SMOC1: variants seen among roughly 807,000 people sequenced by gnomAD.
SMOC1 encodes SPARC-related modular calcium-binding protein 1.
Under a neutral mutation model 56.3 loss-of-function variants are expected in SMOC1, and 22 were observed. That is an observed-to-expected ratio of 0.39 (90% CI 0.28 to 0.56). The LOEUF (loss-of-function observed/expected upper bound fraction) is 0.56. Among genes scored for constraint, SMOC1 ranks in the 20% least tolerant of loss-of-function variants. SMOC1 has a pLI of 0.61. For synonymous variants in SMOC1, 193 were observed against 215.0 expected (o/e 0.90, Z 0.89); for missense variants, 509 against 565.4 (o/e 0.90, Z 1.01).
At chr14:69,941,690 A>G (rs1194161756) in intron 1 of SMOC1, among the ~76,000 whole-genome samples, 4 of 152,152 alleles carry the variant, frequency 2.6e-5, no homozygotes, top group Admixed American at 2.6e-4. Flanking sequence ...AGGATCCTCT[A>G]TGATCTCTCC....
chr14:70,020,436 G>A (rs1885670028), intron 10 of SMOC1, among the ~76,000 whole-genome samples: 1 of 152,170 alleles, frequency 6.6e-6, no homozygotes, highest in African/African-American at 2.4e-5. Context: ...GGATTTGAGG[G>A]TTGTTTTGGC....
At chr14:70,005,738 C>T (rs562490366) in intron 7 of SMOC1, among the ~76,000 whole-genome samples, 6 of 152,232 alleles carry the variant, frequency 3.9e-5, no homozygotes, top group Admixed American at 3.9e-4. Context: ...TTCTCTGCAC[C>T]ATCTGAGGGA....
At chr14:69,963,114 A>C (rs138623591) in intron 3 of SMOC1, among the ~76,000 whole-genome samples, 1 of 152,140 alleles carries the variant, frequency 6.6e-6, no homozygotes, top group Non-Finnish European at 1.5e-5. Context: ...TGATTACTAT[A>C]ACCTTGTAGT....
chr14:69,948,519 C>G (rs1390062671), intron 1 of SMOC1, among the ~76,000 whole-genome samples: 1 of 152,102 alleles, frequency 6.6e-6, no homozygotes, highest in African/African-American at 2.4e-5. Flanking sequence ...GCTGTGGCCT[C>G]TCTCTCAGTG....
At chr14:69,948,981 C>T (rs1189491319) in intron 1 of SMOC1, among the ~76,000 whole-genome samples, 1 of 152,156 alleles carries the variant, frequency 6.6e-6, no homozygotes, top group Non-Finnish European at 1.5e-5. Flanking sequence ...CAAACAGAAA[C>T]ACCGGCCCAC....
At chr14:69,926,242 A>C (rs1414277648) in intron 1 of SMOC1, among the ~76,000 whole-genome samples, 1 of 152,186 alleles carries the variant, frequency 6.6e-6, no homozygotes, top group Non-Finnish European at 1.5e-5. Flanking sequence ...AGCCACTCAG[A>C]TCTCTGAATT....
chr14:69,975,706 C>G lies in SMOC1; in HGVS notation c.379-9C>G. ...TATGGTTTTCTTCCCTTTTCACTTCCCTGAACAGGTGCAGTGCCATACTTA... is the reference window on the plus strand; with the variant it reads ...TATGGTTTTCTTCCCTTTTCACTTCGCTGAACAGGTGCAGTGCCATACTTA... On this transcript the variant is annotated splice_polypyrimidine_tract_variant and intron_variant, in intron 3 of 11. Transcript: ENST00000361956. 2.5e-6 allele frequency: 4 copies of G among 1,607,022 alleles called. No individual in the cohort carries two copies. Among genetic ancestry groups the G allele is most frequent in the Non-Finnish European group, 3.4e-6 (4 of 1,174,430 alleles).
chr14:69,991,742 A>G lies in SMOC1; in HGVS notation c.527-675A>G, dbSNP rs11624897. On this transcript the variant is annotated intron_variant, in intron 5 of 11. Transcript: ENST00000361956. ...TCTGCAAAGTCCCATGTCCTCTCCC[A>G]TTTTGCTTGCCCTCCCTCTTATTGG... 5.4e-3 allele frequency among the ~76,000 whole-genome samples: 823 copies of G among 152,272 alleles called. 2 individuals carry two copies. Among genetic ancestry groups the G allele is most frequent in the Admixed American group, 0.011 (161 of 15,304 alleles).
intron 1 of SMOC1, among the ~76,000 whole-genome samples, chr14:69,941,079 T>A (rs967958105): frequency 6.6e-6 from 1 of 151,984 alleles, no homozygotes; most frequent in South Asian, 2.1e-4. Flanking sequence ...AAAGAAGTAT[T>A]TTGATCTCCA....
At chr14:70,004,246 A>G (rs903899847) in intron 7 of SMOC1, among the ~76,000 whole-genome samples, 1 of 152,166 alleles carries the variant, frequency 6.6e-6, no homozygotes, top group South Asian at 2.1e-4. Context: ...CTGTAAGATT[A>G]GCCTTTTTTC....
chr14:70,022,028 A>G, intron 10 of SMOC1, among the ~76,000 whole-genome samples: 1 of 152,058 alleles, frequency 6.6e-6, no homozygotes, highest in Admixed American at 6.6e-5. Flanking sequence ...CACACTGAGG[A>G]TGTGAATGTG....
At chr14:70,025,378 C>T in intron 11 of SMOC1, among the ~76,000 whole-genome samples, 1 of 152,164 alleles carries the variant, frequency 6.6e-6, no homozygotes, top group Non-Finnish European at 1.5e-5. Context: ...GGCTTGGGAT[C>T]CACTTCCCAC....
At chr14:69,954,677 T>G (rs944186111) in intron 3 of SMOC1, among the ~76,000 whole-genome samples, 1 of 152,134 alleles carries the variant, frequency 6.6e-6, no homozygotes, top group South Asian at 2.1e-4. Flanking sequence ...TGGACAAGGA[T>G]GAGCTTAGCC....
chr14:69,898,003 C>A (rs1480666498), intron 1 of SMOC1, among the ~76,000 whole-genome samples: 1 of 151,976 alleles, frequency 6.6e-6, no homozygotes, highest in African/African-American at 2.4e-5. Flanking sequence ...TTTTATTTGC[C>A]TCAGAGTCTG....
At chr14:69,929,058 G>A (rs955094546) in intron 1 of SMOC1, among the ~76,000 whole-genome samples, 4 of 152,166 alleles carry the variant, frequency 2.6e-5, no homozygotes, top group South Asian at 2.1e-4. Flanking sequence ...GAGTCTCCCC[G>A]GGGTTGCAAG....
intron 3 of SMOC1, among the ~76,000 whole-genome samples, chr14:69,962,526 G>T (rs758941369): frequency 6.6e-6 from 1 of 151,660 alleles, no homozygotes; most frequent in East Asian, 1.9e-4. Context: ...TTCTTTTTAC[G>T]TTCTCAATAA....
In SMOC1 at chr14:69,998,339, G is replaced by A. The variant is rs562562423; in HGVS notation, c.664+3859G>A. On this transcript the variant is annotated intron_variant, in intron 7 of 11. Coordinates refer to ENST00000361956, the MANE Select transcript of SMOC1 (RefSeq NM_001034852.3). ...GACAATGTACCTGGCCAGCTAATACGCTAGAACTTGAGAACAGCATCTTCC... is the reference window on the plus strand; with the variant it reads ...GACAATGTACCTGGCCAGCTAATACACTAGAACTTGAGAACAGCATCTTCC... Among the ~76,000 whole-genome samples, 17 of 152,140 alleles carry A rather than the reference G, an allele frequency of 1.1e-4. 1 individual carries two copies. The South Asian group carries it at 3.1e-3, about 28-fold the overall frequency.
At chr14:69,995,294 C>T (rs1358753534) in intron 7 of SMOC1, among the ~76,000 whole-genome samples, 1 of 152,130 alleles carries the variant, frequency 6.6e-6, no homozygotes, top group African/African-American at 2.4e-5. Context: ...TGTCATTGGT[C>T]CCCTTTAAGT....
At chr14:69,939,114 A>G (rs926740819) in intron 1 of SMOC1, among the ~76,000 whole-genome samples, 1 of 152,206 alleles carries the variant, frequency 6.6e-6, no homozygotes, top group Non-Finnish European at 1.5e-5. Context: ...CATTTCAGCC[A>G]CATTGTGAGT....
Sources: allele counts gnomAD v4.1 joint callset (sites outside exome capture counted in the v4.1 genomes callset), GRCh38; gene constraint gnomAD v4.1.1; transcripts MANE v1.5; gene names NCBI Gene and HGNC (gene_info 2026-07-23, HGNC 2026-07-21).